Variants in CTPS2 observed in about 807,000 individuals in gnomAD.
CTPS2 encodes the protein CTP synthase II.
Under a neutral mutation model 46.8 loss-of-function variants are expected in CTPS2, and 19 were observed. The observed-to-expected ratio is 0.41, with a 90% CI of 0.28 to 0.60. The LOEUF is 0.60. CTPS2 is among the 20% of genes least tolerant of loss of function. CTPS2 has a pLI of 0.35. For synonymous variants in CTPS2, 151 were observed against 165.2 expected, an observed-to-expected ratio of 0.91 and a Z score of 0.66; for missense variants, 286 against 447.6, an observed-to-expected ratio of 0.64 and a Z score of 3.26.
intron 11 of CTPS2, among the ~76,000 whole-genome samples, chrX:16,668,770 A>AAGG (rs1276990801): frequency 3.3e-4 from 24 of 73,617 alleles, no homozygotes; most frequent in South Asian, 8.8e-4. Flanking sequence ...GGAAGGAAGG[A>AAGG]AAGGAAGGAA....
At chrX:16,652,547 G>GA (rs1312906512) in intron 13 of CTPS2, among the ~76,000 whole-genome samples, 2 of 111,932 alleles carry the variant, frequency 1.8e-5, no homozygotes, top group East Asian at 5.5e-4. Flanking sequence ...ACAAGTTAGT[G>GA]AAAAAATTTA....
chrX:16,594,310 TC>T (rs369873177), intron 17 of CTPS2, among the ~76,000 whole-genome samples: 185 of 110,578 alleles, frequency 1.7e-3, no homozygotes, highest in African/African-American at 5.7e-3. Flanking sequence ...GCTCATATCT[TC>T]CCCCCACACT....
chrX:16,638,935 C>A, intron 14 of CTPS2: 2 of 533,676 alleles, frequency 3.7e-6, no homozygotes, highest in Non-Finnish European at 7.0e-6. Flanking sequence ...GTGTGTTCTA[C>A]TGAGGCCAGC....
intron 13 of CTPS2, 75 bp downstream of exon 13, chrX:16,667,438 GC>G: frequency 1.9e-6 from 2 of 1,064,320 alleles, no homozygotes; most frequent in Non-Finnish European, 2.6e-6. Flanking sequence ...CCAGCCAATA[GC>G]CCCTTATGAA....
chrX:16,641,454 C>G (rs1243199460), intron 13 of CTPS2, among the ~76,000 whole-genome samples: 3 of 112,588 alleles, frequency 2.7e-5, no homozygotes, highest in East Asian at 2.8e-4. Context: ...AATTAGCCAA[C>G]TAAGAACAGG....
chrX:16,594,635 C>T, intron 17 of CTPS2, among the ~76,000 whole-genome samples: 1 of 111,751 alleles, frequency 8.9e-6, no homozygotes, highest in East Asian at 2.8e-4. Flanking sequence ...TGGACTTGGG[C>T]GGGCCTGTTT....
rs1569206877 is a variant in CTPS2, at chrX:16,639,340, A to C, written c.1297-97T>G. 6.4e-6 allele frequency: 4 copies of C among 629,595 alleles called. No individual in the cohort carries two copies. In the East Asian group the frequency reaches 9.7e-5, roughly 15 times the overall value. The allele number at this position is 629,595 out of a possible 1,213,427, so 51.9% of individuals were successfully genotyped here. A position where few individuals can be genotyped will look rare whatever the true frequency, so the allele number is the denominator to read the frequency against. ...TTAAAGGAATGATCATTGGGTAAGC[A>C]TGGTCCCTAAACTATAACATTTGAT... is the stretch of plus-strand genomic sequence containing the variant. On this transcript the variant is annotated intron_variant, in intron 13 of 18. Coordinates refer to ENST00000359276, the MANE Select transcript of CTPS2 (RefSeq NM_175859.3).
At chrX:16,640,508 G>A (rs754927884) in intron 13 of CTPS2, among the ~76,000 whole-genome samples, 3 of 111,436 alleles carry the variant, frequency 2.7e-5, no homozygotes, top group Non-Finnish European at 5.6e-5. Flanking sequence ...GTGCTTTGTG[G>A]GAGAGACAGT....
At chrX:16,616,996 G>A (rs1030077973) in intron 16 of CTPS2, among the ~76,000 whole-genome samples, 154 bp downstream of exon 16, 3 of 111,897 alleles carry the variant, frequency 2.7e-5, no homozygotes, top group Non-Finnish European at 3.8e-5. Context: ...TGCCCAGCCA[G>A]CAGTCTGTTT....
intron 10 of CTPS2, among the ~76,000 whole-genome samples, chrX:16,673,065 T>G (rs1467293629): frequency 9.5e-6 from 1 of 105,772 alleles, no homozygotes; most frequent in African/African-American, 3.5e-5. Flanking sequence ...TTTTTGTATT[T>G]TTAGTAGAGA....
At chrX:16,686,094 G>A (rs946217056) in intron 8 of CTPS2, among the ~76,000 whole-genome samples, 6 of 110,941 alleles carry the variant, frequency 5.4e-5, no homozygotes, top group Admixed American at 9.7e-5. Flanking sequence ...TGGACACTTC[G>A]CATCAATTAA....
chrX:16,670,530 G>A (rs1398133089), intron 11 of CTPS2, 50 bp downstream of exon 11: 1 of 986,012 alleles, frequency 1.0e-6, no homozygotes, highest in Non-Finnish European at 1.4e-6. Context: ...CCTCCTAGGT[G>A]TCAAAAATCT....
intron 4 of CTPS2, among the ~76,000 whole-genome samples, chrX:16,694,210 A>T (rs1923933244): frequency 8.9e-6 from 1 of 111,851 alleles, no homozygotes; most frequent in Non-Finnish European, 1.9e-5. Flanking sequence ...TCCTTAATGC[A>T]GCCAACAAAA....
At chrX:16,665,366 A>G (rs1921086454) in intron 13 of CTPS2, among the ~76,000 whole-genome samples, 1 of 112,787 alleles carries the variant, frequency 8.9e-6, no homozygotes, top group Non-Finnish European at 1.9e-5. Flanking sequence ...CAAAAAGTAG[A>G]AACAATGCAG....
intron 13 of CTPS2, among the ~76,000 whole-genome samples, chrX:16,649,861 T>G (rs1932517246): frequency 8.9e-6 from 1 of 111,922 alleles, no homozygotes; most frequent in Non-Finnish European, 1.9e-5. Context: ...TTGAAAAGAA[T>G]CCTCTATATC....
intron 8 of CTPS2, among the ~76,000 whole-genome samples, chrX:16,684,843 C>T (rs1923041069): frequency 8.9e-6 from 1 of 111,897 alleles, no homozygotes; most frequent in Non-Finnish European, 1.9e-5. Flanking sequence ...GTAATCCCAA[C>T]ACTTTGGGAG....
At chrX:16,659,971 C>A (rs933635785) in intron 13 of CTPS2, among the ~76,000 whole-genome samples, 1 of 112,044 alleles carries the variant, frequency 8.9e-6, no homozygotes, top group African/African-American at 3.3e-5. Flanking sequence ...TCAGTGAACA[C>A]TTAGGTTGAT....
At chrX:16,621,128 G>C (rs865837527) in intron 14 of CTPS2, among the ~76,000 whole-genome samples, 2 of 110,236 alleles carry the variant, frequency 1.8e-5, no homozygotes, top group Admixed American at 9.8e-5. Flanking sequence ...ACATGCCTAC[G>C]TAGCTGAGGC....
At chrX:16,594,310 T>TC (rs369873177) in intron 17 of CTPS2, among the ~76,000 whole-genome samples, 5 of 110,529 alleles carry the variant, frequency 4.5e-5, no homozygotes, top group African/African-American at 1.6e-4. Flanking sequence ...GCTCATATCT[T>TC]CCCCCCACAC....
Sources: allele counts gnomAD v4.1 joint callset (sites outside exome capture counted in the v4.1 genomes callset), GRCh38; gene constraint gnomAD v4.1.1; transcripts MANE v1.5; gene names NCBI Gene and HGNC (gene_info 2026-07-23, HGNC 2026-07-21).